PEX7: variants seen among roughly 807,000 people sequenced by gnomAD.
PEX7 encodes PTS2 receptor.
PEX7 carries 34 observed loss-of-function variants against 47.5 expected under a neutral mutation model. The observed-to-expected ratio is 0.72, with a 90% CI of 0.54 to 0.95. The LOEUF is 0.95. Ranked by LOEUF, PEX7 falls within the 40% of genes least tolerant of loss-of-function variation. The pLI is 0.00. For missense variants in PEX7, 394 were observed against 400.3 expected (o/e 0.98, Z 0.13); for synonymous variants, 141 against 148.8 (o/e 0.95, Z 0.38).
intron 8 of PEX7, among the ~76,000 whole-genome samples, chr6:136,885,649 T>G (rs1017540753): frequency 6.6e-6 from 1 of 152,168 alleles, no homozygotes; most frequent in Non-Finnish European, 1.5e-5. Flanking sequence ...TTTGAGGAAA[T>G]GATAAAAATG....
At chr6:136,858,464 C>T (rs931966051) in intron 5 of PEX7, among the ~76,000 whole-genome samples, 3 of 152,214 alleles carry the variant, frequency 2.0e-5, no homozygotes, top group Non-Finnish European at 2.9e-5. Context: ...ACTAGTCCAG[C>T]GATTCTAGAA....
At chr6:136,903,133 T>C (rs1234820266) in intron 9 of PEX7, among the ~76,000 whole-genome samples, 1 of 152,144 alleles carries the variant, frequency 6.6e-6, no homozygotes, top group African/African-American at 2.4e-5. Flanking sequence ...ATGCACATAT[T>C]TTTAAGTGTA....
intron 5 of PEX7, among the ~76,000 whole-genome samples, chr6:136,850,018 T>C (rs1774710957): frequency 6.6e-6 from 1 of 152,146 alleles, no homozygotes; most frequent in Non-Finnish European, 1.5e-5. Context: ...AAGGACTTGC[T>C]TTATGAATCT....
chr6:136,862,018 TTTATATATATATATTTTATATATA>T (rs1168105054), intron 5 of PEX7, among the ~76,000 whole-genome samples: 1 of 143,538 alleles, frequency 7.0e-6, no homozygotes, highest in South Asian at 2.2e-4. Flanking sequence ...TTTTTCTGTA[TTTATATATATATATTTTATATATA>T]TTATATATAT....
At chr6:136,902,714 A>G (rs1775774255) in intron 9 of PEX7, among the ~76,000 whole-genome samples, 2 of 152,134 alleles carry the variant, frequency 1.3e-5, no homozygotes, top group African/African-American at 2.4e-5. Flanking sequence ...ACCTATTTAT[A>G]TAACTGGAAT....
intron 8 of PEX7, among the ~76,000 whole-genome samples, chr6:136,874,959 G>C (rs951091783): frequency 1.1e-4 from 16 of 152,104 alleles, no homozygotes; most frequent in African/African-American, 3.6e-4. Flanking sequence ...GACCAACATG[G>C]TGAAACCCCG....
chr6:136,900,588 C>T lies in PEX7; in HGVS notation c.903+2347C>T. 2.6e-6 allele frequency: 1 copy of T among 382,658 alleles called. No individual in the cohort carries two copies. The highest frequency in any genetic ancestry group is 5.1e-6 in the Non-Finnish European group (1 of 194,980). The allele number at this position is 382,658 out of a possible 1,614,324, so 23.7% of individuals were successfully genotyped here. ...GTGTGAAGGTGATGGTGGTGTGGGT[C>T]ATCCTGTGAACCAGTCTTGCCTTTC... is the stretch of plus-strand genomic sequence containing the variant. On this transcript the variant is annotated intron_variant, in intron 9 of 9. Transcript: ENST00000318471. The surrounding 1 kb of genome is among the most constrained non-coding windows in gnomAD (Gnocchi z 4.2).
At chr6:136,865,258 C>T (rs1452827477) in intron 5 of PEX7, among the ~76,000 whole-genome samples, 1 of 152,080 alleles carries the variant, frequency 6.6e-6, no homozygotes, top group Non-Finnish European at 1.5e-5. Context: ...CGAGACTAGC[C>T]TGGCCAACAT....
intron 3 of PEX7, among the ~76,000 whole-genome samples, chr6:136,839,734 A>C (rs1307652541): frequency 6.6e-6 from 1 of 152,200 alleles, no homozygotes; most frequent in Non-Finnish European, 1.5e-5. Flanking sequence ...CTTTTCATTC[A>C]GATTTGTTTC....
At chr6:136,907,505 CTG>C (rs1775864814) in intron 9 of PEX7, among the ~76,000 whole-genome samples, 1 of 151,180 alleles carries the variant, frequency 6.6e-6, no homozygotes, top group South Asian at 2.1e-4. Context: ...TTCATTCTGT[CTG>C]TATCTTTCTG....
chr6:136,883,105 A>G (rs1003440703), intron 8 of PEX7, among the ~76,000 whole-genome samples: 1 of 152,210 alleles, frequency 6.6e-6, no homozygotes, highest in Non-Finnish European at 1.5e-5. Context: ...TATGCTTGCT[A>G]AGGAATTCAT....
chr6:136,893,293 T>A (rs1220671929), intron 8 of PEX7, among the ~76,000 whole-genome samples: 1 of 152,082 alleles, frequency 6.6e-6, no homozygotes, highest in Non-Finnish European at 1.5e-5. Flanking sequence ...TTCTTCCCTT[T>A]CCCTGCGCCA....
intron 5 of PEX7, among the ~76,000 whole-genome samples, chr6:136,846,732 C>G (rs1774610817): frequency 6.6e-6 from 1 of 152,100 alleles, no homozygotes; most frequent in South Asian, 2.1e-4. Context: ...TTTTCTTGAT[C>G]CAGTCTATCA....
intron 7 of PEX7, among the ~76,000 whole-genome samples, chr6:136,871,251 T>A (rs1275492064): frequency 6.6e-6 from 1 of 152,186 alleles, no homozygotes; most frequent in Non-Finnish European, 1.5e-5. Context: ...TAAAGTGCGA[T>A]AAGACAAACA....
In PEX7 at chr6:136,822,740, C is replaced by T. The variant is rs1774100185; in HGVS notation, c.75C>T (p.Ser25=). ...GCCACGGCTACGCCGCCGAGTTCTC[C>T]CCGTACCTGCCGGGCCGCCTGGCCT... ...PGRHGYAAEF[S]PYLPGRLACA... is the part of the protein sequence containing the mutation. Residue 25 remains serine, a synonymous_variant, in exon 1 of 10, where the codon TCC becomes TCT. Coordinates refer to ENST00000318471, the MANE Select transcript of PEX7 (RefSeq NM_000288.4). 4 of 1,497,664 alleles carry T rather than the reference C, an allele frequency of 2.7e-6. No individual in the cohort carries two copies. Among genetic ancestry groups the T allele is most frequent in the South Asian group, 2.5e-5 (2 of 80,588 alleles). The allele number at this position is 1,497,664 out of a possible 1,614,324, so 92.8% of individuals were successfully genotyped here. A position where few individuals can be genotyped will look rare whatever the true frequency, so the allele number is the denominator to read the frequency against.
chr6:136,884,590 G>T (rs947894558), intron 8 of PEX7, among the ~76,000 whole-genome samples: 1 of 150,224 alleles, frequency 6.7e-6, no homozygotes, highest in Admixed American at 6.7e-5. Context: ...TGATGATATG[G>T]TGGATATTTT....
intron 8 of PEX7, among the ~76,000 whole-genome samples, chr6:136,897,484 A>C (rs746125033): frequency 6.6e-6 from 1 of 152,196 alleles, no homozygotes; most frequent in Admixed American, 6.5e-5. Flanking sequence ...CAGTCTATGG[A>C]GGTTAAGTAG....
intron 7 of PEX7, chr6:136,870,639 G>A (rs1035037686): frequency 8.3e-6 from 2 of 240,634 alleles, no homozygotes; most frequent in South Asian, 3.9e-5. Flanking sequence ...TTACGTTAAG[G>A]ATAAAAAAGT....
At chr6:136,892,767 G>T (rs1412865169) in intron 8 of PEX7, among the ~76,000 whole-genome samples, 1 of 152,230 alleles carries the variant, frequency 6.6e-6, no homozygotes, top group Non-Finnish European at 1.5e-5. Flanking sequence ...TGAGTACTAT[G>T]AATGAAACAA....
Sources: allele counts gnomAD v4.1 joint callset (sites outside exome capture counted in the v4.1 genomes callset), GRCh38; gene constraint gnomAD v4.1.1; non-coding constraint Gnocchi (gnomAD v3.1); transcripts MANE v1.5; gene names NCBI Gene and HGNC (gene_info 2026-07-23, HGNC 2026-07-21).